The following SFPQ variants were observed in gnomAD, a reference collection of about 807,000 sequenced individuals.
SFPQ encodes the protein splicing factor proline and glutamine rich, also known as splicing factor, proline- and glutamine-rich.
In SFPQ, 11 loss-of-function variants were observed where a neutral mutation model predicts 72.9. The observed-to-expected ratio is 0.15, with a 90% CI of 0.09 to 0.25. SFPQ has a LOEUF of 0.25. Ranked by LOEUF, SFPQ falls within the 10% of genes least tolerant of loss-of-function variation. The pLI, the probability that SFPQ is intolerant of heterozygous loss-of-function variation, is 1.00. For missense variants in SFPQ, 847 were observed against 993.3 expected (o/e 0.85, Z 1.98); for synonymous variants, 506 against 367.3 (o/e 1.38, Z -4.32).
At chr1:35,188,961 G>A (rs1639863193) in intron 6 of SFPQ, 42 bp downstream of exon 6, 3 of 1,528,954 alleles carry the variant, frequency 2.0e-6, no homozygotes, top group Admixed American at 1.7e-5. Context: ...ACGTTTCAAA[G>A]AAAAAAATAA....
intron 4 of SFPQ, among the ~76,000 whole-genome samples, chr1:35,190,294 G>A (rs1482389963): frequency 6.6e-6 from 1 of 152,200 alleles, no homozygotes; most frequent in Non-Finnish European, 1.5e-5. Flanking sequence ...GACAAAACAG[G>A]ACTGCATGTG....
downstream of SFPQ, chr1:35,179,761 A>T: frequency 9.5e-7 from 1 of 1,055,750 alleles, no homozygotes; most frequent in East Asian, 5.3e-5. Flanking sequence ...ATTATATACC[A>T]AGTACATTCT....
chr1:35,181,336 T>C (rs769306592), downstream of SFPQ: 17 of 1,065,242 alleles, frequency 1.6e-5, no homozygotes, highest in Non-Finnish European at 1.9e-5. Context: ...CGCCACAACT[T>C]AGTGGCTTGC....
chr1:35,179,012 G>A, downstream of SFPQ: 1 of 1,058,172 alleles, frequency 9.5e-7, no homozygotes, highest in Non-Finnish European at 1.1e-6. Flanking sequence ...TTATCTAGCA[G>A]CAATGACAGA....
rs141760397 is a variant in SFPQ, at chr1:35,189,774, C to T, written c.1416-392G>A. On this transcript the variant is annotated intron_variant, in intron 4 of 9. Transcript: ENST00000357214. ...GACCCATCTGGCCAACATGATGAAA[C>T]CCCGTCTCCACTAAATATACAAAAA... 3.0e-3 allele frequency among the ~76,000 whole-genome samples: 459 copies of T among 151,982 alleles called. 1 individual carries two copies. The highest frequency in any genetic ancestry group is 0.011 in the African/African-American group (437 of 41,418).
chr1:35,180,222 A>G (rs1194945931), downstream of SFPQ: 3 of 1,051,852 alleles, frequency 2.9e-6, no homozygotes, highest in African/African-American at 5.0e-5. Flanking sequence ...TCTCTCATGC[A>G]TGCTAGCTAA....
chr1:35,184,283 A>C lies in SFPQ; in HGVS notation c.*173T>G, dbSNP rs993553543. The C allele has an allele frequency of 5.7e-6, 8 of 1,404,460 alleles. No individual in the cohort carries two copies. The highest frequency in any genetic ancestry group is 7.3e-6 in the Non-Finnish European group (8 of 1,088,758). The allele number at this position is 1,404,460 out of a possible 1,614,324, so 87.0% of individuals were successfully genotyped here. A position where few individuals can be genotyped will look rare whatever the true frequency, so the allele number is the denominator to read the frequency against. ...AAGGAAAAAAAAATTCTCCTGTTCCAAACACTGCATTACATAATTTTACCT... is the reference window on the plus strand; with the variant it reads ...AAGGAAAAAAAAATTCTCCTGTTCCCAACACTGCATTACATAATTTTACCT... On this transcript the variant is annotated 3_prime_UTR_variant, in exon 10 of 10. Transcript: ENST00000357214.
chr1:35,192,251 G>A lies in SFPQ; in HGVS notation c.799C>T (p.Arg267Cys). Residue 267 changes from arginine (R) to cysteine (C), a missense_variant, in exon 1 of 10, where the codon CGC becomes TGC. Arg to Cys is a radical substitution (Grantham distance 180, BLOSUM62 -3). Coordinates refer to ENST00000357214, the MANE Select transcript of SFPQ (RefSeq NM_005066.3). ...QGPPPGGPGGRSEEKISDSEG... is the reference protein window; with the variant it reads ...QGPPPGGPGGCSEEKISDSEG... ...GAGTCCGAGATCTTCTCCTCGCTGC[G>A]GCCGCCGGGCCCGCCGGGCGGGGGC... 2 of 1,462,678 alleles carry A rather than the reference G, an allele frequency of 1.4e-6. No homozygotes were observed. The highest frequency in any genetic ancestry group is 1.8e-6 in the Non-Finnish European group (2 of 1,114,782). 90.6% of individuals were successfully genotyped at this position (1,462,678 alleles called of 1,614,324 possible).
At chr1:35,178,361 G>A (rs1297679854), downstream of SFPQ, 10 of 1,062,758 alleles carry the variant, frequency 9.4e-6, no homozygotes, top group Non-Finnish European at 1.0e-5. Flanking sequence ...ATGTGACAAC[G>A]TTGACCTCAC....
In SFPQ at chr1:35,192,802, G is replaced by GAT; in HGVS notation, c.247_248insAT (p.Pro83HisfsTer40). The GAT allele has an allele frequency of 6.7e-7, 1 of 1,503,666 alleles. No individual in the cohort carries two copies. Among genetic ancestry groups the GAT allele is most frequent in the Non-Finnish European group, 8.8e-7 (1 of 1,133,586 alleles). 93.1% of individuals were successfully genotyped at this position (1,503,666 alleles called of 1,614,324 possible). ...TGGATGCGGCGGCGGCTGATGCGGT[G>GAT]GCGGCTGCTGCGGCGGTGGCTGCTG... On this transcript the variant is annotated frameshift_variant, in exon 1 of 10. Transcript: ENST00000357214. LOFTEE classifies it high-confidence loss of function.
downstream of SFPQ, chr1:35,179,842 G>T: frequency 9.5e-7 from 1 of 1,052,668 alleles, no homozygotes; most frequent in Non-Finnish European, 1.1e-6. Context: ...ACTAAACCAC[G>T]GCAGCAAGCA....
Position 35,192,831 on chromosome 1 carries a change from T to C in SFPQ, c.219A>G (p.Pro73=), listed in dbSNP as rs766965291. 2.6e-5 allele frequency: 39 copies of C among 1,513,388 alleles called. No individual in the cohort carries two copies. The highest frequency in any genetic ancestry group is 7.2e-5 in the African/African-American group (5 of 69,582). The allele number at this position is 1,513,388 out of a possible 1,614,324, so 93.7% of individuals were successfully genotyped here. ...PPPHQQQQQP[P]PQQPPPQQPP... The stretch of plus-strand genomic sequence containing the variant: ...GCTGCTGCGGCGGTGGCTGCTGCGG[T>C]GGTGGCTGTTGCTGCTGTTGGTGTG... The change falls in exon 1 of 10, where the codon CCA becomes CCG. Residue 73 remains proline (P), a synonymous_variant. Transcript: ENST00000357214.
At position 35,182,969 on chromosome 1, in the gene SFPQ, T is replaced by TA; in HGVS notation, c.*1486dup. ...AAGCCTTTATGGTGGGAGGAAGGGATATTTGTACTGTGTAGCATGAGCAAC... is the reference window on the plus strand; with the variant it reads ...AAGCCTTTATGGTGGGAGGAAGGGATAATTTGTACTGTGTAGCATGAGCAAC... On this transcript the variant is annotated 3_prime_UTR_variant, in exon 10 of 10. Transcript: ENST00000357214. 9.6e-7 allele frequency: 1 copy of TA among 1,042,880 alleles called. No homozygotes were observed. Among genetic ancestry groups the TA allele is most frequent in the East Asian group, 5.8e-5 (1 of 17,374 alleles). The allele number at this position is 1,042,880 out of a possible 1,614,324, so 64.6% of individuals were successfully genotyped here.
chr1:35,189,630 C>A (rs1325589171), intron 4 of SFPQ, among the ~76,000 whole-genome samples: 4 of 152,154 alleles, frequency 2.6e-5, no homozygotes, highest in East Asian at 3.9e-4. Context: ...AATTCCTTAC[C>A]GAGGCTTATT....
chr1:35,182,082 C>T, downstream of SFPQ: 2 of 985,332 alleles, frequency 2.0e-6, no homozygotes, highest in Non-Finnish European at 2.4e-6. Context: ...TCTGTGCCAG[C>T]ATCCCTTATA....
In SFPQ at chr1:35,192,282, G is replaced by A. The variant is rs1207325648; in HGVS notation, c.768C>T (p.His256=). Residue 256 remains histidine, a synonymous_variant, in exon 1 of 10, where the codon CAC becomes CAT. Coordinates refer to ENST00000357214, the MANE Select transcript of SFPQ (RefSeq NM_005066.3). ...QHHPPYHQQH[H]QGPPPGGPGG... ...CGGGCCCGCCGGGCGGGGGCCCCTG[G>A]TGATGCTGCTGGTGGTAGGGCGGGT... 8.2e-6 allele frequency: 12 copies of A among 1,462,894 alleles called. No individual in the cohort carries two copies. Among genetic ancestry groups the A allele is most frequent in the East Asian group, 3.1e-5 (1 of 32,620 alleles). 90.6% of individuals were successfully genotyped at this position (1,462,894 alleles called of 1,614,324 possible). A position where few individuals can be genotyped will look rare whatever the true frequency, so the allele number is the denominator to read the frequency against.
At chr1:35,181,829 T>C, downstream of SFPQ, 1 of 984,670 alleles carries the variant, frequency 1.0e-6, no homozygotes, top group Non-Finnish European at 1.2e-6. Context: ...AAAACTATCA[T>C]ATATACATTG....
chr1:35,192,884 G>A lies in SFPQ; in HGVS notation c.166C>T (p.Pro56Ser), dbSNP rs1247219640. ...PMGPGPGQSGPKPPIPPPPPH... is the reference protein window; with the variant it reads ...PMGPGPGQSGSKPPIPPPPPH... ...GGCGGTGGCGGGATCGGAGGCTTAG[G>A]GCCGCTCTGGCCCGGGCCAGGACCC... The change falls in exon 1 of 10, where the codon CCT (proline) becomes TCT (serine). Residue 56 changes from proline to serine, a missense_variant. Transcript: ENST00000357214. 1.3e-6 allele frequency: 2 copies of A among 1,542,532 alleles called. No individual in the cohort carries two copies. The highest frequency in any genetic ancestry group is 8.7e-7 in the Non-Finnish European group (1 of 1,153,362).
At chr1:35,180,309 T>G (rs573679866), downstream of SFPQ, 282 of 1,047,408 alleles carry the variant, frequency 2.7e-4, 3 homozygotes, top group South Asian at 0.011. Context: ...ACAAAAGTTG[T>G]GCTTTTGAAG....
Sources: gnomAD v4.1 joint callset for allele counts (sites outside exome capture counted in the v4.1 genomes callset) on GRCh38, gnomAD v4.1.1 for gene constraint, MANE v1.5 for transcripts, NCBI Gene and HGNC (gene_info 2026-07-23, HGNC 2026-07-21) for gene names.